The following NELL1 variants were observed in gnomAD, a reference collection of about 807,000 sequenced individuals.
NELL1 encodes the protein protein kinase C-binding protein NELL1.
Under a neutral mutation model 107.4 loss-of-function variants are expected in NELL1, and 76 were observed. The observed-to-expected ratio is 0.71, with a 90% CI of 0.59 to 0.86. The LOEUF is 0.86. Among genes scored for constraint, NELL1 ranks in the 40% least tolerant of loss-of-function variants. The probability of loss-of-function intolerance (pLI) is 0.00; values close to 1 mark genes in which losing one functional copy is unlikely to be tolerated. For missense variants in NELL1, 1,024 were observed against 1,005.5 expected (o/e 1.02, Z -0.25); for synonymous variants, 353 against 341.2 (o/e 1.03, Z -0.38).
chr11:20,865,359 A>C (rs895573776), intron 4 of NELL1, among the ~76,000 whole-genome samples: 1 of 152,204 alleles, frequency 6.6e-6, no homozygotes, highest in Non-Finnish European at 1.5e-5. Context: ...CACCTCCTTC[A>C]AAAGAGGGTG....
At chr11:21,428,245 C>T (rs2133830435) in intron 15 of NELL1, among the ~76,000 whole-genome samples, 1 of 152,262 alleles carries the variant, frequency 6.6e-6, no homozygotes, top group South Asian at 2.1e-4. Context: ...CCAAGGCTAA[C>T]ATCTGATGGC....
At chr11:21,277,658 A>T (rs1029829748) in intron 14 of NELL1, among the ~76,000 whole-genome samples, 1 of 152,246 alleles carries the variant, frequency 6.6e-6, no homozygotes, top group Non-Finnish European at 1.5e-5. Flanking sequence ...CCAAATACCC[A>T]TCAGTGATAG....
At chr11:21,085,661 C>T (rs577580271) in intron 12 of NELL1, among the ~76,000 whole-genome samples, 1 of 152,132 alleles carries the variant, frequency 6.6e-6, no homozygotes, top group Admixed American at 6.5e-5. Flanking sequence ...AAACGATTTT[C>T]TAGTCAGGGG....
intron 12 of NELL1, among the ~76,000 whole-genome samples, chr11:20,974,067 T>C (rs1286925220): frequency 1.3e-5 from 2 of 152,226 alleles, no homozygotes; most frequent in Non-Finnish European, 2.9e-5. Flanking sequence ...GAGCATTCTC[T>C]TTACAAGTGC....
At chr11:21,016,627 C>A (rs1852571433) in intron 12 of NELL1, among the ~76,000 whole-genome samples, 1 of 152,082 alleles carries the variant, frequency 6.6e-6, no homozygotes, top group Non-Finnish European at 1.5e-5. Context: ...TCTGCACCCA[C>A]CAGCCGATAA....
At chr11:20,861,105 T>C (rs1489548203) in intron 4 of NELL1, among the ~76,000 whole-genome samples, 1 of 152,198 alleles carries the variant, frequency 6.6e-6, no homozygotes, top group Non-Finnish European at 1.5e-5. Flanking sequence ...GATGTGTTTT[T>C]CTTTAATTTT....
At chr11:20,811,459 T>C (rs1339329950) in intron 3 of NELL1, among the ~76,000 whole-genome samples, 1 of 152,136 alleles carries the variant, frequency 6.6e-6, no homozygotes, top group Non-Finnish European at 1.5e-5. Context: ...TTTAGGATTT[T>C]TTTTTCTATG....
intron 15 of NELL1, among the ~76,000 whole-genome samples, chr11:21,533,793 T>C (rs1391831280): frequency 2.0e-5 from 3 of 152,278 alleles, no homozygotes; most frequent in African/African-American, 7.2e-5. Flanking sequence ...ACAACACTAG[T>C]TTTGCAAGAT....
At chr11:20,684,175 G>A (rs1255123724) in intron 2 of NELL1, among the ~76,000 whole-genome samples, 2 of 151,634 alleles carry the variant, frequency 1.3e-5, no homozygotes, top group African/African-American at 2.4e-5. Context: ...GGAGGTTTGA[G>A]GCAGGAGGAT....
At chr11:21,534,620 T>C in intron 16 of NELL1, 106 bp downstream of exon 16, 1 of 1,192,004 alleles carries the variant, frequency 8.4e-7, no homozygotes, top group Non-Finnish European at 1.2e-6. Flanking sequence ...GACCATTCAT[T>C]GGTTAAATGC....
intron 14 of NELL1, among the ~76,000 whole-genome samples, chr11:21,263,857 T>C (rs992577110): frequency 1.3e-5 from 2 of 151,914 alleles, no homozygotes; most frequent in African/African-American, 4.8e-5. Context: ...AAAATTTTGT[T>C]GAGTTACAAT....
chr11:21,322,236 G>A (rs541053582), intron 14 of NELL1, among the ~76,000 whole-genome samples: 24 of 152,226 alleles, frequency 1.6e-4, no homozygotes, highest in Non-Finnish European at 3.4e-4. Flanking sequence ...AAAAGACCCT[G>A]CTTCATGTCT....
intron 12 of NELL1, among the ~76,000 whole-genome samples, chr11:20,972,661 A>T (rs1363697345): frequency 3.9e-5 from 6 of 152,146 alleles, no homozygotes; most frequent in East Asian, 1.9e-4. Context: ...GGAGATTGAG[A>T]GTGTTGAGCG....
chr11:20,681,617 C>T (rs1204753293), intron 2 of NELL1, among the ~76,000 whole-genome samples: 1 of 152,030 alleles, frequency 6.6e-6, no homozygotes, highest in Non-Finnish European at 1.5e-5. Flanking sequence ...CTTCCAGTTA[C>T]CTAAAGTTTG....
At chr11:20,763,583 A>C (rs1460555440) in intron 2 of NELL1, among the ~76,000 whole-genome samples, 1 of 152,230 alleles carries the variant, frequency 6.6e-6, no homozygotes, top group East Asian at 1.9e-4. Context: ...TCAACACTGG[A>C]CCACGTTCTG....
intron 15 of NELL1, among the ~76,000 whole-genome samples, chr11:21,413,695 TCTC>T (rs1417342096): frequency 1.3e-5 from 2 of 152,046 alleles, no homozygotes; most frequent in Non-Finnish European, 2.9e-5. Context: ...GGTCACCCCT[TCTC>T]CTCAAATCTT....
chr11:21,375,718 T>G (rs561911949), intron 15 of NELL1, among the ~76,000 whole-genome samples: 71 of 152,238 alleles, frequency 4.7e-4, no homozygotes, highest in African/African-American at 1.7e-3. Flanking sequence ...CATCTGTTGT[T>G]TTTTGACTTT....
intron 15 of NELL1, among the ~76,000 whole-genome samples, chr11:21,417,887 C>T (rs1852557835): frequency 6.6e-6 from 1 of 152,012 alleles, no homozygotes; most frequent in Non-Finnish European, 1.5e-5. Context: ...CAAAACAAGT[C>T]TATCTTCTCC....
chr11:20,828,406 C>T (rs992206655), intron 3 of NELL1, among the ~76,000 whole-genome samples: 2 of 152,178 alleles, frequency 1.3e-5, no homozygotes, highest in African/African-American at 4.8e-5. Context: ...AACTTGCAAA[C>T]ACTAGAAACC....
Sources: gnomAD v4.1 joint callset for allele counts (sites outside exome capture counted in the v4.1 genomes callset) on GRCh38, gnomAD v4.1.1 for gene constraint, MANE v1.5 for transcripts, NCBI Gene and HGNC (gene_info 2026-07-23, HGNC 2026-07-21) for gene names.